DEFB119: variants seen among roughly 807,000 people sequenced by gnomAD.
DEFB119 encodes defensin beta 119.
DEFB119 carries 3 observed loss-of-function variants against 2.5 expected under a neutral mutation model. That is an observed-to-expected ratio of 1.19 (90% CI 0.54 to 3.07). The LOEUF (loss-of-function observed/expected upper bound fraction) is 3.07. DEFB119 is among the 30% of genes most tolerant of loss of function. DEFB119 has a pLI of 0.03. For synonymous variants in DEFB119, 29 were observed against 33.7 expected (o/e 0.86, Z 0.48); for missense variants, 113 against 101.1 (o/e 1.12, Z -0.50).
Position 31,390,409 on chromosome 20 carries a change from G to A in DEFB119, c.61+14C>T, listed in dbSNP as rs73108009. The A allele has an allele frequency of 1.2e-5, 20 of 1,611,456 alleles. No homozygotes were observed. The highest frequency in any genetic ancestry group is 2.2e-5 in the South Asian group (2 of 90,794). ...TGACCAGGAACCCAGACCCCCGAGAGAGGTTCACGTTACCTGATATCACTG... is the reference window on the plus strand; with the variant it reads ...TGACCAGGAACCCAGACCCCCGAGAAAGGTTCACGTTACCTGATATCACTG... On this transcript the variant is annotated intron_variant, in intron 1 of 1. Coordinates refer to ENST00000376321, the MANE Select transcript of DEFB119 (RefSeq NM_153289.4).
At chr20:31,387,130 GA>G (rs578059989) in intron 1 of DEFB119, among the ~76,000 whole-genome samples, 5 of 152,212 alleles carry the variant, frequency 3.3e-5, no homozygotes, top group Admixed American at 3.3e-4. Context: ...CAGTTAGCTA[GA>G]AAGAGGACTT....
chr20:31,379,427 C>T (rs1986424864), intron 1 of DEFB119, among the ~76,000 whole-genome samples: 2 of 152,126 alleles, frequency 1.3e-5, no homozygotes, highest in African/African-American at 4.8e-5. Flanking sequence ...TTTGCTATCT[C>T]TATATCCTCT....
At chr20:31,386,974 AT>A (rs1368381299) in intron 1 of DEFB119, among the ~76,000 whole-genome samples, 1 of 151,752 alleles carries the variant, frequency 6.6e-6, no homozygotes. Flanking sequence ...GCCTGGTTCA[AT>A]TTTTATATTT....
intron 1 of DEFB119, among the ~76,000 whole-genome samples, chr20:31,385,894 G>A (rs1986683083): frequency 1.3e-5 from 2 of 151,938 alleles, no homozygotes; most frequent in African/African-American, 2.4e-5. Context: ...GAGACAGATA[G>A]TGAGACAGAG....
intron 1 of DEFB119, among the ~76,000 whole-genome samples, chr20:31,384,123 C>A (rs1053366578): frequency 6.6e-6 from 1 of 152,014 alleles, no homozygotes; most frequent in Non-Finnish European, 1.5e-5. Flanking sequence ...CAAAAGTAAA[C>A]CCACTGAGAG....
chr20:31,377,590 T>G, intron 1 of DEFB119, 151 bp from the exon 2 acceptor site: 1 of 918,346 alleles, frequency 1.1e-6, no homozygotes, highest in South Asian at 1.9e-5. Flanking sequence ...AAAGAGTCAA[T>G]GTCTTTTTCT....
At chr20:31,381,571 G>T (rs1279479576) in intron 1 of DEFB119, among the ~76,000 whole-genome samples, 1 of 152,246 alleles carries the variant, frequency 6.6e-6, no homozygotes, top group Non-Finnish European at 1.5e-5. Context: ...CCGGCACTTT[G>T]TGAGGCCAAG....
At chr20:31,381,667 C>T (rs994193164) in intron 1 of DEFB119, among the ~76,000 whole-genome samples, 15 of 152,178 alleles carry the variant, frequency 9.9e-5, no homozygotes, top group Admixed American at 2.0e-4. Context: ...AAAAATTAGC[C>T]GCATGTGGTG....
At chr20:31,389,013 A>G in intron 1 of DEFB119, 3 of 1,613,962 alleles carry the variant, frequency 1.9e-6, no homozygotes, top group Non-Finnish European at 2.5e-6. Flanking sequence ...GCAACCTGAA[A>G]CAAAGTCATT....
intron 1 of DEFB119, among the ~76,000 whole-genome samples, chr20:31,387,891 G>A (rs1986771983): frequency 6.6e-6 from 1 of 152,220 alleles, no homozygotes; most frequent in Non-Finnish European, 1.5e-5. Flanking sequence ...TTAGCCAGAG[G>A]AGGGGCCCCT....
chr20:31,389,146 C>A (rs17327630), intron 1 of DEFB119: 50,576 of 1,614,144 alleles, frequency 0.031, 990 homozygotes, highest in South Asian at 0.044. Context: ...AGGAACACAG[C>A]ACCGTTTACG....
chr20:31,378,471 C>T lies in DEFB119; in HGVS notation c.62-1032G>A, dbSNP rs1986385095. The stretch of plus-strand genomic sequence containing the variant: ...ATAACATAATAATATCAAAAACATC[C>T]GCGTTCCAGCAAAAATTACTCATCA... On this transcript the variant is annotated intron_variant, in intron 1 of 1. Transcript: ENST00000376321. The T allele has an allele frequency of 4.3e-5, 68 of 1,590,980 alleles. No individual in the cohort carries two copies. In the South Asian group the frequency reaches 6.8e-4, roughly 16 times the overall value.
intron 1 of DEFB119, 64 bp from the exon 2 acceptor site, chr20:31,377,503 G>A (rs934652087): frequency 6.4e-5 from 97 of 1,525,062 alleles, no homozygotes; most frequent in Admixed American, 1.6e-4. Flanking sequence ...CTGATAAGTC[G>A]GGAAGCATCA....
At chr20:31,384,601 A>G (rs536502271) in intron 1 of DEFB119, among the ~76,000 whole-genome samples, 7 of 152,292 alleles carry the variant, frequency 4.6e-5, no homozygotes, top group African/African-American at 1.7e-4. Context: ...GTGAGTCACA[A>G]CCACAGTATA....
At chr20:31,377,499 A>G in intron 1 of DEFB119, 60 bp from the exon 2 acceptor site, 1 of 1,536,532 alleles carries the variant, frequency 6.5e-7, no homozygotes. Context: ...AAATCTGATA[A>G]GTCGGGAAGC....
At chr20:31,389,949 C>T (rs1986864052) in intron 1 of DEFB119, among the ~76,000 whole-genome samples, 1 of 152,050 alleles carries the variant, frequency 6.6e-6, no homozygotes, top group South Asian at 2.1e-4. Context: ...CAAGCCCCAG[C>T]CTAATCCTCA....
intron 1 of DEFB119, chr20:31,388,842 T>C (rs982889254): frequency 1.2e-4 from 132 of 1,096,582 alleles, no homozygotes; most frequent in Middle Eastern, 3.0e-4. Flanking sequence ...AAGACTGTAA[T>C]GATCACACCA....
chr20:31,378,685 T>C (rs67301126), intron 1 of DEFB119, among the ~76,000 whole-genome samples: 21,791 of 152,144 alleles, frequency 0.14, 1,801 homozygotes, highest in Non-Finnish European at 0.18. Flanking sequence ...CCAGGTCTAT[T>C]AGGAGTTGGG....
intron 1 of DEFB119, among the ~76,000 whole-genome samples, chr20:31,378,957 T>A (rs2122286475): frequency 6.9e-6 from 1 of 144,354 alleles, no homozygotes; most frequent in South Asian, 2.3e-4. Context: ...TTTTTTTTTT[T>A]AGACAAGTCT....
Sources: gnomAD v4.1 joint callset for allele counts (sites outside exome capture counted in the v4.1 genomes callset) on GRCh38, gnomAD v4.1.1 for gene constraint, MANE v1.5 for transcripts, NCBI Gene and HGNC (gene_info 2026-07-23, HGNC 2026-07-21) for gene names.